The following RAB3C variants were observed in gnomAD, a reference collection of about 807,000 sequenced individuals.
RAB3C encodes the protein ras-related protein Rab-3C.
Under a neutral mutation model 26.4 loss-of-function variants are expected in RAB3C, and 17 were observed. That is an observed-to-expected ratio of 0.64 (90% CI 0.44 to 0.97). RAB3C has a LOEUF of 0.97. Among genes scored for constraint, RAB3C ranks in the 50% least tolerant of loss-of-function variants. The probability of loss-of-function intolerance (pLI) is 0.00; values close to 1 mark genes in which losing one functional copy is unlikely to be tolerated. For synonymous variants in RAB3C, 91 were observed against 95.9 expected (o/e 0.95, Z 0.30); for missense variants, 242 against 281.9 (o/e 0.86, Z 1.01).
At chr5:58,674,320 T>G (rs1346365270) in intron 2 of RAB3C, among the ~76,000 whole-genome samples, 1 of 152,232 alleles carries the variant, frequency 6.6e-6, no homozygotes, top group Non-Finnish European at 1.5e-5. Context: ...ATTTAGAGCT[T>G]GAGTCATTGC....
chr5:58,717,587 TA>T (rs1749199966), intron 2 of RAB3C, among the ~76,000 whole-genome samples: 1 of 152,098 alleles, frequency 6.6e-6, no homozygotes, highest in African/African-American at 2.4e-5. Flanking sequence ...CCTTCTCTTT[TA>T]AAATTTCTTC....
intron 3 of RAB3C, among the ~76,000 whole-genome samples, chr5:58,805,352 G>T (rs2675391): frequency 0.49 from 74,217 of 151,850 alleles, 18,536 homozygotes; most frequent in Middle Eastern, 0.68. Context: ...GGAGTTGAAA[G>T]ATGGACAGAT....
chr5:58,809,069 C>T (rs1439862153), intron 3 of RAB3C, among the ~76,000 whole-genome samples: 1 of 152,092 alleles, frequency 6.6e-6, no homozygotes, highest in African/African-American at 2.4e-5. Flanking sequence ...AGGGCAAAAG[C>T]CCAGCAAAAT....
chr5:58,720,461 G>T (rs1217215870), intron 2 of RAB3C, among the ~76,000 whole-genome samples: 1 of 151,708 alleles, frequency 6.6e-6, no homozygotes, highest in Non-Finnish European at 1.5e-5. Flanking sequence ...CATTTTCTTT[G>T]GGCAAAAGGT....
intron 2 of RAB3C, among the ~76,000 whole-genome samples, chr5:58,717,421 G>T (rs1376476232): frequency 6.6e-6 from 1 of 152,090 alleles, no homozygotes; most frequent in Non-Finnish European, 1.5e-5. Context: ...GGCTTCTTCA[G>T]TGAAGCCTGT....
At chr5:58,730,499 A>G (rs1319778035) in intron 3 of RAB3C, among the ~76,000 whole-genome samples, 1 of 152,076 alleles carries the variant, frequency 6.6e-6, no homozygotes, top group Non-Finnish European at 1.5e-5. Context: ...AGAAATAAGC[A>G]CAAAGAAACA....
intron 2 of RAB3C, among the ~76,000 whole-genome samples, chr5:58,724,235 C>T (rs996461731): frequency 2.0e-5 from 3 of 151,618 alleles, no homozygotes; most frequent in Non-Finnish European, 2.9e-5. Context: ...CTGTGGGAAG[C>T]ACTTTACATG....
chr5:58,735,964 A>G (rs1467036161), intron 3 of RAB3C, among the ~76,000 whole-genome samples: 1 of 152,172 alleles, frequency 6.6e-6, no homozygotes, highest in Non-Finnish European at 1.5e-5. Flanking sequence ...CCAGGAAACT[A>G]TTAGCTACAA....
intron 2 of RAB3C, among the ~76,000 whole-genome samples, chr5:58,669,747 T>G (rs994754437): frequency 1.8e-4 from 27 of 152,312 alleles, no homozygotes; most frequent in Middle Eastern, 3.4e-3. Context: ...AATGAATGAC[T>G]CATGTAAGTG....
At chr5:58,750,551 T>C (rs891580449) in intron 3 of RAB3C, among the ~76,000 whole-genome samples, 2 of 152,174 alleles carry the variant, frequency 1.3e-5, no homozygotes, top group Non-Finnish European at 2.9e-5. Flanking sequence ...GAAATAGTCA[T>C]TAGAAAACAT....
At chr5:58,699,468 G>A (rs577664095) in intron 2 of RAB3C, among the ~76,000 whole-genome samples, 11 of 152,292 alleles carry the variant, frequency 7.2e-5, no homozygotes, top group South Asian at 2.1e-4. Flanking sequence ...ACGCTCAAAC[G>A]CCATGCTGGG....
At chr5:58,704,249 GA>G (rs1748902512) in intron 2 of RAB3C, among the ~76,000 whole-genome samples, 1 of 152,184 alleles carries the variant, frequency 6.6e-6, no homozygotes, top group Admixed American at 6.5e-5. Context: ...GGTGTGTGAA[GA>G]GAAACATTCC....
chr5:58,839,924 T>C (rs1441998043), intron 4 of RAB3C, among the ~76,000 whole-genome samples: 1 of 151,316 alleles, frequency 6.6e-6, no homozygotes, highest in Non-Finnish European at 1.5e-5. Context: ...TTTTTTTTTC[T>C]TTTGGTACTT....
chr5:58,791,297 T>C (rs996212946), intron 3 of RAB3C, among the ~76,000 whole-genome samples: 3 of 152,144 alleles, frequency 2.0e-5, no homozygotes, highest in African/African-American at 4.8e-5. Context: ...CCATGGGCCC[T>C]TCCAAGGAAT....
chr5:58,712,765 T>G (rs1257246055), intron 2 of RAB3C, among the ~76,000 whole-genome samples: 2 of 152,230 alleles, frequency 1.3e-5, no homozygotes, highest in Non-Finnish European at 2.9e-5. Flanking sequence ...CCTCCAGTGA[T>G]CCACCCATCT....
intron 4 of RAB3C, among the ~76,000 whole-genome samples, chr5:58,833,941 G>A (rs1407181114): frequency 1.3e-5 from 2 of 152,140 alleles, no homozygotes; most frequent in African/African-American, 4.8e-5. Flanking sequence ...GCATAGAGAG[G>A]TGACCACCCC....
At chr5:58,650,777 C>G (rs1184840731) in intron 2 of RAB3C, among the ~76,000 whole-genome samples, 1 of 152,190 alleles carries the variant, frequency 6.6e-6, no homozygotes, top group East Asian at 1.9e-4. Context: ...CTATGAATTA[C>G]TGAGAATTGG....
chr5:58,672,892 A>G (rs1231996979), intron 2 of RAB3C, among the ~76,000 whole-genome samples: 2 of 152,194 alleles, frequency 1.3e-5, no homozygotes, highest in Non-Finnish European at 2.9e-5. Flanking sequence ...ATGCTAGGAG[A>G]AGAATAAACT....
intron 2 of RAB3C, among the ~76,000 whole-genome samples, chr5:58,680,296 T>G (rs1748320331): frequency 6.6e-6 from 1 of 152,096 alleles, no homozygotes; most frequent in Admixed American, 6.5e-5. Flanking sequence ...GCAAGGCCAT[T>G]AGTGAAGGAG....
Sources: allele counts gnomAD v4.1 joint callset (sites outside exome capture counted in the v4.1 genomes callset), GRCh38; gene constraint gnomAD v4.1.1; transcripts MANE v1.5; gene names NCBI Gene and HGNC (gene_info 2026-07-23, HGNC 2026-07-21).